Variants in USP34 observed in about 807,000 individuals in gnomAD.
USP34 encodes the protein ubiquitin carboxyl-terminal hydrolase 34.
Under a neutral mutation model 460.3 loss-of-function variants are expected in USP34, and 70 were observed. The observed-to-expected ratio is 0.15, with a 90% CI of 0.13 to 0.19. The LOEUF (loss-of-function observed/expected upper bound fraction) is 0.19. USP34 is among the 10% of genes least tolerant of loss of function. The pLI, the probability that USP34 is intolerant of heterozygous loss-of-function variation, is 1.00. For synonymous variants in USP34, 1,647 were observed against 1,405.3 expected, an observed-to-expected ratio of 1.17 and a Z score of -3.85; for missense variants, 3,985 against 4,236.2, an observed-to-expected ratio of 0.94 and a Z score of 1.65.
chr2:61,365,256 T>TACACACACACACAC lies in USP34; in HGVS notation c.1251+5051_1251+5064dup, dbSNP rs34689463. 8.1e-3 allele frequency among the ~76,000 whole-genome samples: 1,159 copies of TACACACACACACAC among 142,428 alleles called. 13 individuals carry two copies. The highest frequency in any genetic ancestry group is 0.022 in the African/African-American group (852 of 37,914). The allele number at this position is 142,428 out of a possible 152,430, so 93.4% of individuals were successfully genotyped here. Reference sequence around the variant, plus strand: ...AACAGAGCAAGACTCCATTTCAAAATACACACACACACACACACACACACA... The same window carrying TACACACACACACAC: ...AACAGAGCAAGACTCCATTTCAAAATACACACACACACACACACACACACACACACACACACACA... On this transcript the variant is annotated intron_variant, in intron 10 of 79. Coordinates refer to ENST00000398571, the MANE Select transcript of USP34 (RefSeq NM_014709.4).
At chr2:61,461,377 G>C (rs909229076) in intron 1 of USP34, among the ~76,000 whole-genome samples, 13 of 149,852 alleles carry the variant, frequency 8.7e-5, no homozygotes, top group African/African-American at 3.0e-4. Flanking sequence ...TAGTGAACAA[G>C]AGCGAAATTC....
At chr2:61,239,790 GGAGGTCAAGAGATT>G (rs1277045796) in intron 53 of USP34, among the ~76,000 whole-genome samples, 4 of 152,008 alleles carry the variant, frequency 2.6e-5, no homozygotes, top group Non-Finnish European at 5.9e-5. Flanking sequence ...GGGCGGATCA[GGAGGTCAAGAGATT>G]GAGACCATCC....
rs555082622 is a variant in USP34, at chr2:61,189,322, G to A, written c.9874-253C>T. Reference sequence around the variant, plus strand: ...GGAGTCTTGTTCTTTGGCAAGGCTGGAGTGCAGTGGTGTAATCTCGGCTCG... The same window carrying A: ...GGAGTCTTGTTCTTTGGCAAGGCTGAAGTGCAGTGGTGTAATCTCGGCTCG... On this transcript the variant is annotated intron_variant, in intron 78 of 79. Coordinates refer to ENST00000398571, the MANE Select transcript of USP34 (RefSeq NM_014709.4). The A allele has an allele frequency of 1.4e-3, 467 of 333,424 alleles. 3 individuals are homozygous for A. In the Middle Eastern group the frequency reaches 0.015, roughly 11 times the overall value. 20.7% of individuals were successfully genotyped at this position (333,424 alleles called of 1,614,324 possible).
rs376710051 is a variant in USP34 at position 61,331,238 on chromosome 2, C to T, written c.2930+38G>A. On this transcript the variant is annotated intron_variant, in intron 20 of 79. Transcript: ENST00000398571. ...AAATCATCTTTCAAAGGAAAGACAT[C>T]GACACAAATGTATTTAACCCAGTTG... 166 of 1,513,362 alleles carry T rather than the reference C, an allele frequency of 1.1e-4. 1 individual carries two copies. The highest frequency in any genetic ancestry group is 1.4e-4 in the Non-Finnish European group (152 of 1,109,034). 93.7% of individuals were successfully genotyped at this position (1,513,362 alleles called of 1,614,324 possible). A position where few individuals can be genotyped will look rare whatever the true frequency, so the allele number is the denominator to read the frequency against.
intron 57 of USP34, among the ~76,000 whole-genome samples, 188 bp downstream of exon 57, chr2:61,235,657 T>C (rs1283262182): frequency 6.6e-6 from 1 of 152,060 alleles, no homozygotes; most frequent in African/African-American, 2.4e-5. Context: ...TAATAATCAA[T>C]TATTTAATCA....
intron 51 of USP34, among the ~76,000 whole-genome samples, chr2:61,242,866 G>C (rs1041633504): frequency 7.9e-5 from 12 of 151,706 alleles, no homozygotes; most frequent in Non-Finnish European, 1.6e-4. Context: ...TTTTTTCTTT[G>C]AGACGGAGTT....
chr2:61,230,864 C>CACAAAA (rs1312453797), intron 58 of USP34, among the ~76,000 whole-genome samples: 9 of 139,462 alleles, frequency 6.5e-5, no homozygotes. Context: ...AAAAACAAAA[C>CACAAAA]ACAAAAACAA....
intron 10 of USP34, among the ~76,000 whole-genome samples, chr2:61,367,658 C>T (rs972179875): frequency 1.3e-5 from 2 of 151,942 alleles, no homozygotes; most frequent in South Asian, 2.1e-4. Context: ...GAAATAGCAA[C>T]ATAATGGAAG....
intron 1 of USP34, among the ~76,000 whole-genome samples, chr2:61,463,305 G>A (rs1695661671): frequency 6.6e-6 from 1 of 152,010 alleles, no homozygotes; most frequent in Non-Finnish European, 1.5e-5. Context: ...CCCAGCATGG[G>A]TGATACACTG....
intron 3 of USP34, among the ~76,000 whole-genome samples, chr2:61,404,601 T>C (rs1248120520): frequency 1.3e-5 from 2 of 152,092 alleles, no homozygotes; most frequent in Non-Finnish European, 1.5e-5. Flanking sequence ...AAATAAGCCA[T>C]GTGGAGAAAA....
At chr2:61,296,358 A>C (rs1172773544) in intron 30 of USP34, among the ~76,000 whole-genome samples, 2 of 152,216 alleles carry the variant, frequency 1.3e-5, no homozygotes, top group Non-Finnish European at 2.9e-5. Context: ...CATATGGAAA[A>C]AAAATTATCA....
chr2:61,398,581 G>GA (rs972489556), intron 3 of USP34, among the ~76,000 whole-genome samples: 5 of 137,454 alleles, frequency 3.6e-5, no homozygotes, highest in Non-Finnish European at 6.3e-5. Context: ...GGGAAAGTCG[G>GA]GGGAGGGAGA....
intron 65 of USP34, 62 bp downstream of exon 65, chr2:61,222,557 T>A (rs1572847432): frequency 7.4e-7 from 1 of 1,353,820 alleles, no homozygotes; most frequent in East Asian, 2.3e-5. Flanking sequence ...TTAGGCTCAT[T>A]TGAAAGCATT....
intron 29 of USP34, among the ~76,000 whole-genome samples, chr2:61,299,299 C>T (rs1206940147): frequency 6.6e-6 from 1 of 152,152 alleles, no homozygotes; most frequent in Admixed American, 6.5e-5. Flanking sequence ...AAAATACCAC[C>T]ATTTTACCTG....
chr2:61,465,298 T>C (rs1422313753), intron 1 of USP34, among the ~76,000 whole-genome samples: 1 of 152,200 alleles, frequency 6.6e-6, no homozygotes, highest in African/African-American at 2.4e-5. Flanking sequence ...TGTGTCTGTA[T>C]GCCTCTGCAT....
intron 2 of USP34, among the ~76,000 whole-genome samples, chr2:61,407,679 G>A (rs923687856): frequency 3.3e-5 from 5 of 152,170 alleles, no homozygotes; most frequent in Admixed American, 2.6e-4. Flanking sequence ...TGACATCTGA[G>A]ACTAGGTCAT....
At chr2:61,416,821 T>TGAG in intron 2 of USP34, 1 of 215,908 alleles carries the variant, frequency 4.6e-6, no homozygotes, top group Non-Finnish European at 8.3e-6. Flanking sequence ...TTTTTTTTTT[T>TGAG]GGGGGGGGGG....
intron 78 of USP34, 71 bp downstream of exon 78, chr2:61,190,200 C>A: frequency 6.6e-7 from 1 of 1,509,664 alleles, no homozygotes; most frequent in Non-Finnish European, 8.8e-7. Flanking sequence ...AGAGTAAAAT[C>A]ATATGAAGGC....
At chr2:61,441,003 C>T (rs1246170090) in intron 1 of USP34, among the ~76,000 whole-genome samples, 1 of 151,664 alleles carries the variant, frequency 6.6e-6, no homozygotes, top group Non-Finnish European at 1.5e-5. Flanking sequence ...TGGCAGGTGC[C>T]TGTAGTCCCA....
Sources: allele counts gnomAD v4.1 joint callset (sites outside exome capture counted in the v4.1 genomes callset), GRCh38; gene constraint gnomAD v4.1.1; transcripts MANE v1.5; gene names NCBI Gene and HGNC (gene_info 2026-07-23, HGNC 2026-07-21).